Variants in HCN2 observed in about 807,000 individuals in gnomAD.
The protein encoded by HCN2 is potassium/sodium hyperpolarization-activated cyclic nucleotide-gated channel 2.
Under a neutral mutation model 52.3 loss-of-function variants are expected in HCN2, and 20 were observed. The ratio of observed to expected loss-of-function variants is 0.38; its 90% CI spans 0.27 to 0.56. HCN2 has a LOEUF of 0.56. Ranked by LOEUF, HCN2 falls within the 20% of genes least tolerant of loss-of-function variation. HCN2 has a pLI of 0.71. For missense variants in HCN2, 981 were observed against 1,207.7 expected, an observed-to-expected ratio of 0.81 and a Z score of 2.78; for synonymous variants, 694 against 537.0, an observed-to-expected ratio of 1.29 and a Z score of -4.04.
At position 592,700 on chromosome 19, in the gene HCN2, C is replaced by T. The variant is rs1982909006; in HGVS notation, c.632+2123C>T. Among the ~76,000 whole-genome samples, 1 of 152,116 alleles carries T rather than the reference C, an allele frequency of 6.6e-6. No homozygotes were observed. Among genetic ancestry groups the T allele is most frequent in the Admixed American group, 6.5e-5 (1 of 15,280 alleles). On this transcript the variant is annotated intron_variant, in intron 1 of 7. Coordinates refer to ENST00000251287, the MANE Select transcript of HCN2 (RefSeq NM_001194.4). The surrounding 1 kb of genome is among the most constrained non-coding windows in gnomAD (Gnocchi z 4.8). ...CTGGGTGCACGGGGCCCCTAGGACC[C>T]TCCCCAGGCTTGGGACCTGTGCCAG...
intron 5 of HCN2, among the ~76,000 whole-genome samples, chr19:612,419 TGTGTGTGTGA>T (rs1411856613): frequency 1.7e-5 from 2 of 117,290 alleles, no homozygotes; most frequent in African/African-American, 3.2e-5. Flanking sequence ...TGTGTGTGTG[TGTGTGTGTGA>T]GAGAGAGATG....
In HCN2 at chr19:603,538, C is replaced by T. The variant is rs950358349; in HGVS notation, c.633-6C>T. On this transcript the variant is annotated splice_polypyrimidine_tract_variant and splice_region_variant and intron_variant, in intron 1 of 7. Transcript: ENST00000251287. ...CGGCCTGAGGTGTGGGCACCCTCGC[C>T]CCCAGGTTCTACTGGGACTTCACCA... 58 of 1,599,010 alleles carry T rather than the reference C, an allele frequency of 3.6e-5. No individual in the cohort carries two copies. The highest frequency in any genetic ancestry group is 4.5e-5 in the Non-Finnish European group (53 of 1,170,282).
Position 616,675 on chromosome 19 carries a change from G to GCCCACCCCCATCACCCCTGCC in HCN2, c.*213_*214insACCCCTGCCCCCACCCCCATC. ...CGGCCGTCCCCCCTCATCGCCCCGC[G>GCCCACCCCCATCACCCCTGCC]CCCACCCCCATCGCCCCTGCCCCCG... is the stretch of plus-strand genomic sequence containing the variant. On this transcript the variant is annotated 3_prime_UTR_variant, in exon 8 of 8. Coordinates refer to ENST00000251287, the MANE Select transcript of HCN2 (RefSeq NM_001194.4). 1 of 224,668 alleles carries GCCCACCCCCATCACCCCTGCC rather than the reference G, an allele frequency of 4.5e-6. No individual in the cohort carries two copies. Among genetic ancestry groups the GCCCACCCCCATCACCCCTGCC allele is most frequent in the South Asian group, 1.9e-4 (1 of 5,352 alleles). 13.9% of individuals were successfully genotyped at this position (224,668 alleles called of 1,614,324 possible). A position where few individuals can be genotyped will look rare whatever the true frequency, so the allele number is the denominator to read the frequency against.
In HCN2 at chr19:602,769, C is replaced by G. The variant is rs184296388; in HGVS notation, c.633-775C>G. 4.9e-3 allele frequency among the ~76,000 whole-genome samples: 744 copies of G among 152,362 alleles called. 7 individuals carry two copies. The highest frequency in any genetic ancestry group is 0.017 in the African/African-American group (709 of 41,582). On this transcript the variant is annotated intron_variant, in intron 1 of 7. Coordinates refer to ENST00000251287, the MANE Select transcript of HCN2 (RefSeq NM_001194.4). Reference sequence around the variant, plus strand: ...AAGCACTTAATCTATTTTGAGCCACCTCTTGGGCCTTGTGAGGTCTCCTGC... The same window carrying G: ...AAGCACTTAATCTATTTTGAGCCACGTCTTGGGCCTTGTGAGGTCTCCTGC...
Position 590,657 on chromosome 19 carries a change from G to C in HCN2, c.632+80G>C. The stretch of plus-strand genomic sequence containing the variant: ...CGGGGAGCCGTCCTTGGAGCGCCTG[G>C]GGAGGGCGGGGCGGCGCGCCGGGCC... On this transcript the variant is annotated intron_variant, in intron 1 of 7. Coordinates refer to ENST00000251287, the MANE Select transcript of HCN2 (RefSeq NM_001194.4). This position sits in a 1 kb window ranked among gnomAD's most constrained non-coding sequence, Gnocchi z 7.2. 8.9e-7 allele frequency: 1 copy of C among 1,125,596 alleles called. No individual in the cohort carries two copies. 69.7% of individuals were successfully genotyped at this position (1,125,596 alleles called of 1,614,324 possible).
chr19:605,141 C>T lies in HCN2; in HGVS notation c.1137C>T (p.His379=). ...NLISMMLLLC[H]WDGCLQFLVP... is the part of the protein sequence containing the mutation. ...TCAGCATGATGCTGCTGCTCTGCCA[C>T]TGGGACGGCTGCCTGCAGTTCCTGG... Residue 379 remains histidine, a synonymous_variant, in exon 3 of 8, where the codon CAC becomes CAT. Coordinates refer to ENST00000251287, the MANE Select transcript of HCN2 (RefSeq NM_001194.4). 6.2e-7 allele frequency: 1 copy of T among 1,611,892 alleles called. No homozygotes were observed. The highest frequency in any genetic ancestry group is 8.5e-7 in the Non-Finnish European group (1 of 1,179,600).
Position 603,701 on chromosome 19 carries a change from C to T in HCN2, c.790C>T (p.Arg264Cys), listed in dbSNP as rs1173969754. ...FFLMDLVLNF[R>C]TGIVIEDNTE... ...CCTCATGGACCTGGTGTTGAACTTC[C>T]GCACCGGCATTGTGATCGAGGACAA... is the stretch of plus-strand genomic sequence containing the variant. The change falls in exon 2 of 8, where the codon CGC becomes TGC. Residue 264 changes from arginine to cysteine, a missense_variant. Transcript: ENST00000251287. 3.1e-6 allele frequency: 5 copies of T among 1,612,676 alleles called. No individual in the cohort carries two copies. The highest frequency in any genetic ancestry group is 4.2e-6 in the Non-Finnish European group (5 of 1,179,754).
In HCN2 at chr19:603,707, G is replaced by A; in HGVS notation, c.796G>A (p.Gly266Ser). ...GGACCTGGTGTTGAACTTCCGCACCGGCATTGTGATCGAGGACAACACGGA... is the reference window on the plus strand; with the variant it reads ...GGACCTGGTGTTGAACTTCCGCACCAGCATTGTGATCGAGGACAACACGGA... ...LMDLVLNFRT[G>S]IVIEDNTEII... Residue 266 changes from glycine (G) to serine (S), a missense_variant, in exon 2 of 8, where the codon GGC (glycine) becomes AGC (serine). Gly to Ser is a moderately conservative substitution (Grantham distance 56). This residue lies in a region of HCN2 where 282 missense variants were observed against 553.8 expected (regional missense o/e 0.51). Transcript: ENST00000251287. 1.2e-6 allele frequency: 2 copies of A among 1,612,764 alleles called. No individual in the cohort carries two copies. The highest frequency in any genetic ancestry group is 2.2e-5 in the East Asian group (1 of 44,864).
At position 612,427 on chromosome 19, in the gene HCN2, T is replaced by TGTGTGTGTGTGTGTGTGTGTGTGAGA; in HGVS notation, c.1585-820_1585-819insTGTGTGTGTGTGTGTGTGTGTGAGAG. On this transcript the variant is annotated intron_variant, in intron 5 of 7. Transcript: ENST00000251287. ...GTGTGTGTGTGTGTGTGTGTGTGTG[T>TGTGTGTGTGTGTGTGTGTGTGTGAGA]GAGAGAGAGATGGAGTCTCGCTCTG... 5.3e-4 allele frequency among the ~76,000 whole-genome samples: 75 copies of TGTGTGTGTGTGTGTGTGTGTGTGAGA among 142,344 alleles called. 1 individual carries two copies. Among genetic ancestry groups the TGTGTGTGTGTGTGTGTGTGTGTGAGA allele is most frequent in the Non-Finnish European group, 7.0e-4 (46 of 65,270 alleles). The allele number at this position is 142,344 out of a possible 152,430, so 93.4% of individuals were successfully genotyped here. A position where few individuals can be genotyped will look rare whatever the true frequency, so the allele number is the denominator to read the frequency against.
At chr19:610,608 T>C (rs1983588842) in intron 5 of HCN2, among the ~76,000 whole-genome samples, 2 of 152,128 alleles carry the variant, frequency 1.3e-5, no homozygotes, top group Non-Finnish European at 2.9e-5. Flanking sequence ...CCCGCCTTGC[T>C]TCCCGCTGCC....
rs1284097136 is a variant in HCN2 at position 590,588 on chromosome 19, C to T, written c.632+11C>T. The T allele has an allele frequency of 2.9e-6, 4 of 1,396,630 alleles. No individual in the cohort carries two copies. Among genetic ancestry groups the T allele is most frequent in the Non-Finnish European group, 2.8e-6 (3 of 1,057,660 alleles). 86.5% of individuals were successfully genotyped at this position (1,396,630 alleles called of 1,614,324 possible). A position where few individuals can be genotyped will look rare whatever the true frequency, so the allele number is the denominator to read the frequency against. On this transcript the variant is annotated intron_variant, in intron 1 of 7. Transcript: ENST00000251287. The surrounding 1 kb of genome is among the most constrained non-coding windows in gnomAD (Gnocchi z 7.2). Reference sequence around the variant, plus strand: ...GTACAGCGACTTCAGGTACCGCCTCCGGGAGGGCCGGTCGGCGCGAGGGGG... The same window carrying T: ...GTACAGCGACTTCAGGTACCGCCTCTGGGAGGGCCGGTCGGCGCGAGGGGG...
At chr19:615,207 A>G (rs1983841934) in intron 7 of HCN2, among the ~76,000 whole-genome samples, 1 of 152,076 alleles carries the variant, frequency 6.6e-6, no homozygotes, top group Admixed American at 6.5e-5. Context: ...TGTACACAGC[A>G]GGCATTAAAT....
chr19:611,845 A>C (rs1439741794), intron 5 of HCN2, among the ~76,000 whole-genome samples: 4 of 152,108 alleles, frequency 2.6e-5, no homozygotes, highest in African/African-American at 9.7e-5. Context: ...TGCAAAGTCA[A>C]ATCTTTAAAC....
chr19:614,039 C>CG (rs748999824), intron 7 of HCN2, 23 bp downstream of exon 7: 1 of 1,332,460 alleles, frequency 7.5e-7, no homozygotes, highest in Non-Finnish European at 1.0e-6. Context: ...GGGGCGTGGC[C>CG]GGGGCGGGTG....
At chr19:594,941 C>T (rs565065594) in intron 1 of HCN2, among the ~76,000 whole-genome samples, 1 of 152,264 alleles carries the variant, frequency 6.6e-6, no homozygotes, top group Admixed American at 6.5e-5. Context: ...TGGCTCATGC[C>T]TGTAATGCCA....
chr19:601,919 C>T (rs1043525768), intron 1 of HCN2, among the ~76,000 whole-genome samples: 25 of 152,082 alleles, frequency 1.6e-4, no homozygotes, highest in African/African-American at 4.6e-4. Context: ...GGACTCTGGC[C>T]GGGTGTATCT....
chr19:600,056 A>C (rs1245534904), intron 1 of HCN2, among the ~76,000 whole-genome samples: 1 of 152,126 alleles, frequency 6.6e-6, no homozygotes, highest in Non-Finnish European at 1.5e-5. Flanking sequence ...TGTGCTGGAA[A>C]TTCAAGACCC....
intron 3 of HCN2, among the ~76,000 whole-genome samples, chr19:607,731 C>A (rs1479291670): frequency 6.6e-6 from 1 of 152,214 alleles, no homozygotes; most frequent in Non-Finnish European, 1.5e-5. Flanking sequence ...GTCTCAGTTT[C>A]CCCAGGAGTG....
intron 4 of HCN2, among the ~76,000 whole-genome samples, chr19:609,368 C>T (rs935633628): frequency 2.6e-5 from 4 of 152,126 alleles, no homozygotes; most frequent in African/African-American, 9.7e-5. Flanking sequence ...CAGGGAAGGG[C>T]CAGAGCCCCC....
Sources: gnomAD v4.1 joint callset for allele counts (sites outside exome capture counted in the v4.1 genomes callset) on GRCh38, gnomAD v4.1.1 for gene constraint, gnomAD v4.1.1 regional missense constraint, Gnocchi (gnomAD v3.1) non-coding constraint, MANE v1.5 for transcripts, NCBI Gene and HGNC (gene_info 2026-07-23, HGNC 2026-07-21) for gene names.